ITPR1: variants seen among roughly 807,000 people sequenced by gnomAD.
The protein encoded by ITPR1 is inositol 1,4,5-trisphosphate-gated calcium channel ITPR1.
ITPR1 carries 96 observed loss-of-function variants against 318.4 expected under a neutral mutation model. That is an observed-to-expected ratio of 0.30 (90% CI 0.26 to 0.36). ITPR1 has a LOEUF of 0.36. ITPR1 is among the 10% of genes least tolerant of loss of function. ITPR1 has a pLI of 1.00. For missense variants in ITPR1, 2,440 were observed against 3,460.2 expected, an observed-to-expected ratio of 0.71 and a Z score of 7.40; for synonymous variants, 1,312 against 1,289.9, an observed-to-expected ratio of 1.02 and a Z score of -0.37.
intron 4 of ITPR1, among the ~76,000 whole-genome samples, chr3:4,527,731 C>T (rs1041965809): frequency 6.6e-6 from 1 of 152,176 alleles, no homozygotes; most frequent in Non-Finnish European, 1.5e-5. Context: ...TGTTGCTTGG[C>T]TATAATGAGC....
intron 13 of ITPR1, 143 bp downstream of exon 13, chr3:4,658,421 G>A (rs2093760558): frequency 1.6e-6 from 1 of 637,062 alleles, no homozygotes; most frequent in Non-Finnish European, 2.6e-6. Context: ...TGACTGCCCG[G>A]TATGGCAACT....
chr3:4,630,158 G>A (rs1033922154), intron 5 of ITPR1, among the ~76,000 whole-genome samples: 1 of 152,224 alleles, frequency 6.6e-6, no homozygotes, highest in Admixed American at 6.5e-5. Flanking sequence ...AATGCTCAGG[G>A]ATGACTGCTC....
intron 60 of ITPR1, among the ~76,000 whole-genome samples, chr3:4,835,482 C>T (rs927600072): frequency 6.6e-6 from 1 of 152,096 alleles, no homozygotes; most frequent in Non-Finnish European, 1.5e-5. Flanking sequence ...CCAGGTGGCC[C>T]ACAAAGCTGA....
At chr3:4,698,117 A>C (rs530511815) in intron 34 of ITPR1, among the ~76,000 whole-genome samples, 2 of 152,090 alleles carry the variant, frequency 1.3e-5, no homozygotes, top group African/African-American at 4.8e-5. Context: ...CAAGCATACC[A>C]CAGATTTAAA....
At chr3:4,687,777 G>C (rs1429992000) in intron 30 of ITPR1, among the ~76,000 whole-genome samples, 2 of 152,194 alleles carry the variant, frequency 1.3e-5, no homozygotes, top group African/African-American at 2.4e-5. Context: ...CACGTGAAAT[G>C]CCAGGGAGGG....
chr3:4,757,474 A>T (rs2045089890), intron 44 of ITPR1, among the ~76,000 whole-genome samples: 1 of 152,104 alleles, frequency 6.6e-6, no homozygotes, highest in Admixed American at 6.5e-5. Context: ...GGGTAGGGGT[A>T]GGGGTGGGGT....
chr3:4,500,786 C>G (rs139656542), intron 2 of ITPR1, among the ~76,000 whole-genome samples: 1 of 152,094 alleles, frequency 6.6e-6, no homozygotes, highest in Non-Finnish European at 1.5e-5. Context: ...GTTCTGTATC[C>G]GTGTTTTTCA....
At chr3:4,650,367 C>T (rs1575902075) in intron 10 of ITPR1, among the ~76,000 whole-genome samples, 2 of 152,136 alleles carry the variant, frequency 1.3e-5, no homozygotes, top group Non-Finnish European at 2.9e-5. Flanking sequence ...CCCAGTTCTC[C>T]ATGTGGCCTT....
chr3:4,496,864 C>T (rs2080620868), intron 2 of ITPR1, among the ~76,000 whole-genome samples: 1 of 152,042 alleles, frequency 6.6e-6, no homozygotes, highest in Non-Finnish European at 1.5e-5. Context: ...AAACAAACAC[C>T]AAATATGAAC....
chr3:4,688,270 T>C (rs1574865071), intron 30 of ITPR1, among the ~76,000 whole-genome samples: 2 of 152,212 alleles, frequency 1.3e-5, no homozygotes, highest in South Asian at 4.1e-4. Context: ...AGCCTTACTC[T>C]GCAGTGCTCC....
rs2090006934 is a variant in ITPR1, at chr3:4,587,297, A to G, written c.164-40466A>G. Among the ~76,000 whole-genome samples, 3 of 126,700 alleles carry G rather than the reference A, an allele frequency of 2.4e-5. No homozygotes were observed. In the South Asian group the frequency reaches 7.5e-4, roughly 32 times the overall value. 83.1% of individuals were successfully genotyped at this position (126,700 alleles called of 152,430 possible). A position where few individuals can be genotyped will look rare whatever the true frequency, so the allele number is the denominator to read the frequency against. On this transcript the variant is annotated intron_variant, in intron 4 of 61. Transcript: ENST00000649015. ...TTTTTTTTTTTTTTTTTTTTGAGTC[A>G]GAATCTTGGTCTGTTGCCCAGGCTG...
intron 61 of ITPR1, among the ~76,000 whole-genome samples, chr3:4,843,790 G>T (rs1296189274): frequency 6.6e-6 from 1 of 152,184 alleles, no homozygotes; most frequent in Admixed American, 6.5e-5. Flanking sequence ...GCTGCTAACT[G>T]AGGAGGCATC....
chr3:4,733,308 C>A, intron 43 of ITPR1, 88 bp downstream of exon 43: 1 of 1,464,478 alleles, frequency 6.8e-7, no homozygotes, highest in Non-Finnish European at 9.4e-7. Flanking sequence ...TTGAAATGCT[C>A]ACAACAGATG....
chr3:4,831,170 GTCTC>G (rs933799997), intron 60 of ITPR1: 2 of 217,830 alleles, frequency 9.2e-6, no homozygotes, highest in African/African-American at 9.0e-5. Flanking sequence ...CCCTCTCTCT[GTCTC>G]TCTCCCTCTT....
At chr3:4,527,203 G>T (rs113859080) in intron 4 of ITPR1, among the ~76,000 whole-genome samples, 5 of 152,162 alleles carry the variant, frequency 3.3e-5, no homozygotes, top group Non-Finnish European at 7.3e-5. Flanking sequence ...TGGAGACAAG[G>T]TCTCACTCTG....
At chr3:4,516,291 G>A (rs901730844) in intron 2 of ITPR1, among the ~76,000 whole-genome samples, 185 bp from the exon 3 acceptor site, 1 of 152,156 alleles carries the variant, frequency 6.6e-6, no homozygotes, top group Non-Finnish European at 1.5e-5. Flanking sequence ...AATATACGGG[G>A]AAAAAGTGTT....
At chr3:4,760,934 G>A (rs765249115) in intron 44 of ITPR1, among the ~76,000 whole-genome samples, 4 of 152,120 alleles carry the variant, frequency 2.6e-5, no homozygotes, top group Non-Finnish European at 2.9e-5. Flanking sequence ...ATTCCCCTTC[G>A]CCACATAAGA....
At chr3:4,804,658 A>C (rs2106475917) in intron 54 of ITPR1, among the ~76,000 whole-genome samples, 1 of 152,320 alleles carries the variant, frequency 6.6e-6, no homozygotes, top group East Asian at 1.9e-4. Context: ...CCAGGGCACC[A>C]TCTGCCTCTC....
At chr3:4,700,180 G>T (rs1002814737) in intron 35 of ITPR1, among the ~76,000 whole-genome samples, 2 of 152,134 alleles carry the variant, frequency 1.3e-5, no homozygotes, top group African/African-American at 4.8e-5. Context: ...GATCTTTTCT[G>T]CTTTTTTTGT....
Sources: allele counts gnomAD v4.1 joint callset (sites outside exome capture counted in the v4.1 genomes callset), GRCh38; gene constraint gnomAD v4.1.1; transcripts MANE v1.5; gene names NCBI Gene and HGNC (gene_info 2026-07-23, HGNC 2026-07-21).